The following AGBL2 variants were observed in gnomAD, a reference collection of about 807,000 sequenced individuals.
AGBL2 encodes AGBL carboxypeptidase 2, also known as cytosolic carboxypeptidase 2.
AGBL2 carries 87 observed loss-of-function variants against 103.0 expected under a neutral mutation model. The observed-to-expected ratio is 0.84, with a 90% CI of 0.71 to 1.01. The LOEUF (loss-of-function observed/expected upper bound fraction) is 1.01, where lower values mean the gene tolerates loss of function less well. Ranked by LOEUF, AGBL2 falls within the 50% of genes least tolerant of loss-of-function variation. The probability of loss-of-function intolerance (pLI) is 0.00; values close to 1 mark genes in which losing one functional copy is unlikely to be tolerated. For synonymous variants in AGBL2, 335 were observed against 356.7 expected (o/e 0.94, Z 0.69); for missense variants, 904 against 1,023.5 (o/e 0.88, Z 1.59).
intron 13 of AGBL2, among the ~76,000 whole-genome samples, chr11:47,679,390 CA>C (rs1239771163): frequency 2.0e-5 from 3 of 149,602 alleles, no homozygotes; most frequent in Non-Finnish European, 4.4e-5. Context: ...GATCCTGTCT[CA>C]AAAGAAAAAA....
At chr11:47,707,377 A>G (rs2097524253) in intron 4 of AGBL2, among the ~76,000 whole-genome samples, 1 of 152,206 alleles carries the variant, frequency 6.6e-6, no homozygotes, top group African/African-American at 2.4e-5. Context: ...ATGGACTTAC[A>G]CTTCCACGTG....
At position 47,708,928 on chromosome 11, in the gene AGBL2, C is replaced by A. The variant is rs370623567; in HGVS notation, c.232+1449G>T. Among the ~76,000 whole-genome samples the A allele has an allele frequency of 1.1e-4, 16 of 152,150 alleles. No individual in the cohort carries two copies. In the South Asian group the frequency reaches 1.9e-3, roughly 18 times the overall value. ...CCTGAGGTTGGGAGTTTGAGACCAG[C>A]CTGGCTAACATGGCGAGACACTGTC... On this transcript the variant is annotated intron_variant, in intron 4 of 18. Transcript: ENST00000525123.
At chr11:47,676,795 C>A in intron 14 of AGBL2, among the ~76,000 whole-genome samples, 1 of 121,982 alleles carries the variant, frequency 8.2e-6, no homozygotes, top group South Asian at 2.6e-4. Context: ...GCCTGGGCGA[C>A]AGAGCGAGCC....
chr11:47,710,513 T>C lies in AGBL2; in HGVS notation c.98-2A>G. The C allele has an allele frequency of 6.2e-7, 1 of 1,614,036 alleles. No individual in the cohort carries two copies. Among genetic ancestry groups the C allele is most frequent in the Non-Finnish European group, 8.5e-7 (1 of 1,180,030 alleles). ...AGTTTGGTAAACTGCCTCTCTGAGC[T>C]AAAAATTGGCAGTTTAATTAAAGTT... On this transcript the variant is annotated splice_acceptor_variant, in intron 3 of 18. Transcript: ENST00000525123. LOFTEE classifies it high-confidence loss of function.
chr11:47,685,881 T>A lies in AGBL2; in HGVS notation c.1788+12A>T. 6.2e-7 allele frequency: 1 copy of A among 1,611,956 alleles called. No individual in the cohort carries two copies. Among genetic ancestry groups the A allele is most frequent in the Non-Finnish European group, 8.5e-7 (1 of 1,178,724 alleles). On this transcript the variant is annotated intron_variant, in intron 11 of 18. Coordinates refer to ENST00000525123, the MANE Select transcript of AGBL2 (RefSeq NM_024783.4). ...CTAACTCAATGGAGAGAAAATTACA[T>A]TATGTGCTTACCTTATCTGGTGCAT...
At chr11:47,666,373 C>T (rs917218213) in intron 17 of AGBL2, among the ~76,000 whole-genome samples, 24 of 135,976 alleles carry the variant, frequency 1.8e-4, no homozygotes, top group Non-Finnish European at 4.7e-5. Context: ...GCCTGGGTAA[C>T]AGAGTAAGAC....
In AGBL2 at chr11:47,667,552, G is replaced by A; in HGVS notation, c.2340+19C>T. On this transcript the variant is annotated intron_variant, in intron 16 of 18. Transcript: ENST00000525123. ...GGTCTGAAACTAGACAGTAGAAATA[G>A]CCAGCAAGTCTTTCTTACTGAGGTA... 6.2e-7 allele frequency: 1 copy of A among 1,612,134 alleles called. No homozygotes were observed.
chr11:47,679,918 A>G (rs1298034944), intron 13 of AGBL2, 55 bp downstream of exon 13: 3 of 1,153,544 alleles, frequency 2.6e-6, no homozygotes, highest in Non-Finnish European at 3.9e-6. Flanking sequence ...CTAGGATTAC[A>G]GGTGTGAGCC....
chr11:47,681,825 G>T, intron 12 of AGBL2, 144 bp downstream of exon 12: 2 of 972,748 alleles, frequency 2.1e-6, no homozygotes, highest in Non-Finnish European at 1.5e-6. Context: ...TTCATATGTT[G>T]GGCACTCAAA....
chr11:47,687,746 T>C (rs967755043), intron 10 of AGBL2, among the ~76,000 whole-genome samples: 1 of 152,040 alleles, frequency 6.6e-6, no homozygotes, highest in African/African-American at 2.4e-5. Flanking sequence ...ATTAAACCTC[T>C]TTTCTTTATA....
chr11:47,660,070 C>A lies in AGBL2; in HGVS notation c.*103G>T. 7.6e-7 allele frequency: 1 copy of A among 1,313,684 alleles called. No individual in the cohort carries two copies. Among genetic ancestry groups the A allele is most frequent in the South Asian group, 1.4e-5 (1 of 69,740 alleles). The allele number at this position is 1,313,684 out of a possible 1,614,324, so 81.4% of individuals were successfully genotyped here. A position where few individuals can be genotyped will look rare whatever the true frequency, so the allele number is the denominator to read the frequency against. ...GTGCATGAGTGCACAACACAGTATA[C>A]CACAAGTAAATGCAGTTCCCAGTCA... On this transcript the variant is annotated 3_prime_UTR_variant, in exon 19 of 19. Transcript: ENST00000525123.
intron 6 of AGBL2, chr11:47,704,993 A>G (rs2097512469): frequency 3.4e-6 from 1 of 293,284 alleles, no homozygotes; most frequent in East Asian, 5.9e-5. Flanking sequence ...ATTAAATTTA[A>G]TGGTCCAAGA....
chr11:47,681,995 T>C lies in AGBL2; in HGVS notation c.1889A>G (p.Glu630Gly). 1.2e-6 allele frequency: 2 copies of C among 1,614,084 alleles called. No homozygotes were observed. The highest frequency in any genetic ancestry group is 1.7e-6 in the Non-Finnish European group (2 of 1,180,014). ...CAGGGTGGACCCGCCAAAGGTAGAC[T>C]CCATGGTGTAGCTGTTTAGGATTCC... ...RMGILNSYTMESTFGGSTLGN... is the reference protein window; with the variant it reads ...RMGILNSYTMGSTFGGSTLGN... Residue 630 changes from glutamate (E) to glycine (G), a missense_variant, in exon 12 of 19, where the codon GAG becomes GGG. By Grantham distance (98) the Glu-to-Gly change is moderately conservative. Coordinates refer to ENST00000525123, the MANE Select transcript of AGBL2 (RefSeq NM_024783.4).
At chr11:47,685,180 A>G (rs1360067354) in intron 11 of AGBL2, among the ~76,000 whole-genome samples, 1 of 152,184 alleles carries the variant, frequency 6.6e-6, no homozygotes, top group Non-Finnish European at 1.5e-5. Context: ...ACTACACTCC[A>G]GCCTCGACAG....
intron 17 of AGBL2, 40 bp downstream of exon 17, chr11:47,666,916 G>C (rs1311710895): frequency 7.7e-7 from 1 of 1,290,376 alleles, no homozygotes; most frequent in South Asian, 1.2e-5. Flanking sequence ...CGAGAGGTTA[G>C]AGAATCTGTG....
At chr11:47,668,361 G>A (rs181465532) in intron 15 of AGBL2, among the ~76,000 whole-genome samples, 2 of 152,078 alleles carry the variant, frequency 1.3e-5, no homozygotes, top group African/African-American at 2.4e-5. Flanking sequence ...GCCGGGCGTG[G>A]TGGCATGTGC....
chr11:47,685,396 G>A (rs928614853), intron 11 of AGBL2, among the ~76,000 whole-genome samples: 22 of 151,546 alleles, frequency 1.5e-4, no homozygotes, highest in African/African-American at 5.1e-4. Flanking sequence ...TTACAGGCAT[G>A]AGCCACTGTA....
intron 12 of AGBL2, among the ~76,000 whole-genome samples, chr11:47,680,982 T>C (rs1321719177): frequency 6.6e-6 from 1 of 152,164 alleles, no homozygotes; most frequent in South Asian, 2.1e-4. Flanking sequence ...GTGCACTCCA[T>C]GCACCATCTC....
intron 14 of AGBL2, among the ~76,000 whole-genome samples, chr11:47,671,940 C>A (rs966369662): frequency 6.6e-6 from 1 of 152,140 alleles, no homozygotes; most frequent in African/African-American, 2.4e-5. Flanking sequence ...GCAATCGTGA[C>A]AATGAATAGG....
Sources: allele counts gnomAD v4.1 joint callset (sites outside exome capture counted in the v4.1 genomes callset), GRCh38; gene constraint gnomAD v4.1.1; transcripts MANE v1.5; gene names NCBI Gene and HGNC (gene_info 2026-07-23, HGNC 2026-07-21).